The following HIVEP3 variants were observed in gnomAD, a reference collection of about 807,000 sequenced individuals.
The protein encoded by HIVEP3 is transcription factor HIVEP3.
In HIVEP3, 49 loss-of-function variants were observed where a neutral mutation model predicts 152.8. That is an observed-to-expected ratio of 0.32 (90% confidence interval 0.26 to 0.41). The LOEUF (loss-of-function observed/expected upper bound fraction) is 0.41, where lower values mean the gene tolerates loss of function less well. Ranked by LOEUF, HIVEP3 falls within the 10% of genes least tolerant of loss-of-function variation. The pLI is 1.00. For synonymous variants in HIVEP3, 1,269 were observed against 1,289.0 expected, an observed-to-expected ratio of 0.98 and a Z score of 0.33; for missense variants, 2,790 against 3,103.3, an observed-to-expected ratio of 0.90 and a Z score of 2.40.
chr1:41,665,873 A>G lies in HIVEP3; in HGVS notation c.-721+35043T>C, dbSNP rs150185979. Among the ~76,000 whole-genome samples the G allele has an allele frequency of 1.4e-3, 207 of 152,294 alleles. 1 individual carries two copies. The highest frequency in any genetic ancestry group is 4.1e-3 in the South Asian group (20 of 4,830). On this transcript the variant is annotated intron_variant, in intron 2 of 8. Coordinates refer to ENST00000372583, the MANE Select transcript of HIVEP3 (RefSeq NM_024503.5). ...CTCTATGGAATTTTGTTTCCAGCTTATAACAACAAAATTAGACACAATTTT... is the reference window on the plus strand; with the variant it reads ...CTCTATGGAATTTTGTTTCCAGCTTGTAACAACAAAATTAGACACAATTTT...
At chr1:41,947,659 G>A (rs1478462288) in intron 1 of HIVEP3, among the ~76,000 whole-genome samples, 2 of 152,158 alleles carry the variant, frequency 1.3e-5, no homozygotes, top group African/African-American at 4.8e-5. Context: ...TTGCTAATGG[G>A]GCAAGACTTT....
rs1644407203 is a variant in HIVEP3, at chr1:41,581,469, G to A, written c.3329C>T (p.Pro1110Leu). The change falls in exon 4 of 9, where the codon CCA becomes CTA. Residue 1110 changes from proline to leucine, a missense_variant. Around this residue, in one of 9 missense-constraint regions of HIVEP3, gnomAD observed 1,078 missense variants for 1,165.3 expected, o/e 0.93. Transcript: ENST00000372583. The surrounding 1 kb of genome is among the most constrained non-coding windows in gnomAD (Gnocchi z 4.5). ...GGKGPGQDRP[P>L]LGPTVPYTEA... ...TGTGTAGGGCACAGTGGGCCCCAAT[G>A]GGGGCCTGTCCTGCCCTGGGCCCTT... 11 of 1,574,192 alleles carry A rather than the reference G, an allele frequency of 7.0e-6. No individual in the cohort carries two copies. Among genetic ancestry groups the A allele is most frequent in the Non-Finnish European group, 9.5e-6 (11 of 1,161,356 alleles).
At chr1:41,878,115 A>G (rs1454619215) in intron 1 of HIVEP3, among the ~76,000 whole-genome samples, 1 of 152,244 alleles carries the variant, frequency 6.6e-6, no homozygotes, top group Non-Finnish European at 1.5e-5. Flanking sequence ...AAAATATACC[A>G]GGGTATCTTA....
chr1:41,998,688 C>T (rs1645408919), intron 1 of HIVEP3, among the ~76,000 whole-genome samples: 1 of 151,964 alleles, frequency 6.6e-6, no homozygotes, highest in South Asian at 2.1e-4. Context: ...TATTTGAGGT[C>T]TATTAACAAC....
intron 5 of HIVEP3, among the ~76,000 whole-genome samples, chr1:41,528,559 CA>C (rs1444126533): frequency 3.3e-5 from 2 of 61,236 alleles, no homozygotes; most frequent in Non-Finnish European, 6.5e-5. Context: ...CACCCTCACA[CA>C]CCCCACCCTC....
intron 1 of HIVEP3, among the ~76,000 whole-genome samples, chr1:41,912,069 A>T (rs934644140): frequency 6.6e-6 from 1 of 152,252 alleles, no homozygotes; most frequent in Non-Finnish European, 1.5e-5. Flanking sequence ...GTTCACAAAC[A>T]CGCATAACTA....
intron 2 of HIVEP3, among the ~76,000 whole-genome samples, chr1:41,689,693 G>A (rs924325049): frequency 3.3e-5 from 5 of 152,232 alleles, no homozygotes; most frequent in African/African-American, 4.8e-5. Context: ...ATAGCCGCCC[G>A]ACTATTTCAG....
At chr1:41,866,753 G>A (rs1414873919) in intron 1 of HIVEP3, among the ~76,000 whole-genome samples, 1 of 152,160 alleles carries the variant, frequency 6.6e-6, no homozygotes, top group Non-Finnish European at 1.5e-5. Flanking sequence ...CATGAGCCTA[G>A]TCTTTTCCTC....
intron 1 of HIVEP3, among the ~76,000 whole-genome samples, chr1:41,735,239 G>T (rs1646899055): frequency 6.6e-6 from 1 of 152,210 alleles, no homozygotes; most frequent in African/African-American, 2.4e-5. Context: ...TCTATTGAGT[G>T]CCTGCTGTTT....
intron 1 of HIVEP3, among the ~76,000 whole-genome samples, chr1:42,025,577 T>G (rs1009366375): frequency 7.9e-5 from 12 of 152,372 alleles, no homozygotes; most frequent in African/African-American, 2.9e-4. Flanking sequence ...GCTTTGTTAT[T>G]TCTGACTGTA....
In HIVEP3 at chr1:41,513,074, T is replaced by G. The variant is rs1350759474; in HGVS notation, c.6147A>C (p.Ala2049=). 3 of 1,613,898 alleles carry G rather than the reference T, an allele frequency of 1.9e-6. No individual in the cohort carries two copies. Among genetic ancestry groups the G allele is most frequent in the Non-Finnish European group, 2.5e-6 (3 of 1,180,018 alleles). ...TACCCTCGAGTTTGGAGAGCACATG[T>G]GCTCGAGGGGCCAGTTCTCTTCCCA... ...CPLGRELAPR[A]HVLSKLEGTT... Residue 2049 remains alanine, a synonymous_variant, in exon 8 of 9, where the codon GCA becomes GCC. Coordinates refer to ENST00000372583, the MANE Select transcript of HIVEP3 (RefSeq NM_024503.5).
At chr1:41,799,931 C>T (rs1383053626) in intron 1 of HIVEP3, among the ~76,000 whole-genome samples, 1 of 152,056 alleles carries the variant, frequency 6.6e-6, no homozygotes, top group Non-Finnish European at 1.5e-5. Context: ...TCCAGAGAGA[C>T]AGCATTACTC....
chr1:41,516,581 C>T lies in HIVEP3; in HGVS notation c.5470+1821G>A, dbSNP rs146096913. On this transcript the variant is annotated intron_variant, in intron 7 of 8. Coordinates refer to ENST00000372583, the MANE Select transcript of HIVEP3 (RefSeq NM_024503.5). ...CCGCTTTTCCACCTCCTGAGCACAC[C>T]CGTGCTCCCCGCGCCCACGGCACAG... Among the ~76,000 whole-genome samples, 1,126 of 152,352 alleles carry T rather than the reference C, an allele frequency of 7.4e-3. 13 individuals are homozygous for T. Among genetic ancestry groups the T allele is most frequent in the Middle Eastern group, 0.034 (10 of 294 alleles).
chr1:41,563,700 C>T lies in HIVEP3; in HGVS notation c.5207+11844G>A, dbSNP rs186477786. Among the ~76,000 whole-genome samples, 17 of 152,092 alleles carry T rather than the reference C, an allele frequency of 1.1e-4. No homozygotes were observed. In the East Asian group the frequency reaches 2.5e-3, roughly 22 times the overall value. On this transcript the variant is annotated intron_variant, in intron 5 of 8. Coordinates refer to ENST00000372583, the MANE Select transcript of HIVEP3 (RefSeq NM_024503.5). ...CAAAGGCTATCAGATGTCTGAGAAA[C>T]GAGACCAAATAAACACACAATAAAG...
intron 2 of HIVEP3, among the ~76,000 whole-genome samples, chr1:41,656,557 C>T (rs527275781): frequency 6.6e-6 from 1 of 152,296 alleles, no homozygotes; most frequent in East Asian, 1.9e-4. Flanking sequence ...CTGACCATTC[C>T]TGGGTATTTG....
At chr1:41,998,497 A>G (rs1304020021) in intron 1 of HIVEP3, among the ~76,000 whole-genome samples, 2 of 152,228 alleles carry the variant, frequency 1.3e-5, no homozygotes, top group East Asian at 1.9e-4. Flanking sequence ...AATACTGAGC[A>G]TTTCAGATAG....
chr1:41,755,351 T>A, intron 1 of HIVEP3, among the ~76,000 whole-genome samples: 1 of 151,254 alleles, frequency 6.6e-6, no homozygotes, highest in Admixed American at 6.6e-5. Context: ...CATAAAACAT[T>A]CAGAGATAAC....
chr1:41,892,024 A>G (rs1644454786), intron 1 of HIVEP3, among the ~76,000 whole-genome samples: 1 of 152,226 alleles, frequency 6.6e-6, no homozygotes, highest in African/African-American at 2.4e-5. Context: ...TTTCTATTGA[A>G]AAGAAATAGA....
At chr1:41,794,123 T>G (rs1649849998) in intron 1 of HIVEP3, among the ~76,000 whole-genome samples, 1 of 152,136 alleles carries the variant, frequency 6.6e-6, no homozygotes, top group Non-Finnish European at 1.5e-5. Context: ...GAAAGAGTTT[T>G]AATGGACTTA....
Sources: allele counts gnomAD v4.1 joint callset (sites outside exome capture counted in the v4.1 genomes callset), GRCh38; gene constraint gnomAD v4.1.1; regional missense constraint gnomAD v4.1.1; non-coding constraint Gnocchi (gnomAD v3.1); transcripts MANE v1.5; gene names NCBI Gene and HGNC (gene_info 2026-07-23, HGNC 2026-07-21).